Variants in CNTNAP2 observed in about 807,000 individuals in gnomAD.
The protein encoded by CNTNAP2 is contactin-associated protein-like 2.
Under a neutral mutation model 155.2 loss-of-function variants are expected in CNTNAP2, and 98 were observed. That is an observed-to-expected ratio of 0.63 (90% confidence interval 0.54 to 0.75). The LOEUF (loss-of-function observed/expected upper bound fraction) is 0.75. Among genes scored for constraint, CNTNAP2 ranks in the 30% least tolerant of loss-of-function variants. The probability of loss-of-function intolerance (pLI) is 0.00; values close to 1 mark genes in which losing one functional copy is unlikely to be tolerated. For missense variants in CNTNAP2, 1,727 were observed against 1,688.1 expected (o/e 1.02, Z -0.40); for synonymous variants, 651 against 631.2 (o/e 1.03, Z -0.47).
chr7:147,083,276 C>T (rs1021056556), intron 4 of CNTNAP2: 1 of 151,920 alleles, frequency 6.6e-6, no homozygotes, highest in African/African-American at 2.4e-5. Context: ...GATGTTAGGT[C>T]GGCAAACACT....
chr7:147,087,401 C>G (rs895254397), intron 4 of CNTNAP2, among the ~76,000 whole-genome samples: 12 of 152,078 alleles, frequency 7.9e-5, no homozygotes, highest in Non-Finnish European at 1.5e-4. Flanking sequence ...TCATCCCTAG[C>G]AAAGATGTGT....
intron 15 of CNTNAP2, among the ~76,000 whole-genome samples, chr7:148,112,226 A>G (rs915675262): frequency 4.6e-5 from 7 of 152,234 alleles, no homozygotes; most frequent in African/African-American, 1.7e-4. Flanking sequence ...AATGAAAAAA[A>G]TAATTATGGA....
At chr7:147,856,475 G>A (rs572386445) in intron 13 of CNTNAP2, among the ~76,000 whole-genome samples, 240 of 152,198 alleles carry the variant, frequency 1.6e-3, no homozygotes, top group African/African-American at 5.4e-3. Flanking sequence ...ACTTGCACAC[G>A]AATCCTCCTC....
intron 15 of CNTNAP2, among the ~76,000 whole-genome samples, chr7:148,008,984 A>G (rs776659454): frequency 2.4e-4 from 37 of 152,208 alleles, no homozygotes; most frequent in Middle Eastern, 3.2e-3. Flanking sequence ...CAAACCCTTA[A>G]TAGATTTTGA....
intron 1 of CNTNAP2, among the ~76,000 whole-genome samples, chr7:146,203,945 A>G (rs1798905941): frequency 6.6e-6 from 1 of 152,068 alleles, no homozygotes; most frequent in Non-Finnish European, 1.5e-5. Flanking sequence ...TTTTGGGGGG[A>G]ATCCTTTAAT....
rs192514645 is a variant in CNTNAP2, at chr7:147,237,376, C to T, written c.1349-62765C>T. Among the ~76,000 whole-genome samples, 40 of 152,154 alleles carry T rather than the reference C, an allele frequency of 2.6e-4. 1 individual carries two copies. In the East Asian group the frequency reaches 7.8e-3, roughly 29 times the overall value. On this transcript the variant is annotated intron_variant, in intron 8 of 23. Transcript: ENST00000361727. ...GTGTGAGCCACTGTGCCTAGCCTAGCCTTCACCTCTTGAATTGTACTCTGG... is the reference window on the plus strand; with the variant it reads ...GTGTGAGCCACTGTGCCTAGCCTAGTCTTCACCTCTTGAATTGTACTCTGG...
intron 1 of CNTNAP2, among the ~76,000 whole-genome samples, chr7:146,151,608 T>C (rs1798038686): frequency 1.5e-5 from 2 of 133,624 alleles, no homozygotes; most frequent in South Asian, 4.9e-4. Flanking sequence ...TAAGTGTCCA[T>C]CACTGATGAA....
intron 8 of CNTNAP2, among the ~76,000 whole-genome samples, chr7:147,191,068 G>T (rs565580448): frequency 6.6e-6 from 1 of 152,054 alleles, no homozygotes; most frequent in Non-Finnish European, 1.5e-5. Flanking sequence ...AAGAAGAAAA[G>T]GGGGCTGTAA....
intron 1 of CNTNAP2, among the ~76,000 whole-genome samples, chr7:146,746,961 T>C (rs1801819417): frequency 6.6e-6 from 1 of 152,132 alleles, no homozygotes; most frequent in Non-Finnish European, 1.5e-5. Context: ...TAGAAAATAA[T>C]CCCCAGAATT....
intron 8 of CNTNAP2, among the ~76,000 whole-genome samples, chr7:147,281,141 A>T (rs1279585592): frequency 6.6e-6 from 1 of 151,868 alleles, no homozygotes; most frequent in Non-Finnish European, 1.5e-5. Context: ...CATATAACTT[A>T]AAAGAAAGTT....
chr7:147,437,100 A>G (rs964176584), intron 10 of CNTNAP2, among the ~76,000 whole-genome samples: 5 of 152,106 alleles, frequency 3.3e-5, no homozygotes, highest in African/African-American at 9.7e-5. Context: ...CTTGGTTTTC[A>G]CATAGTTTTA....
At chr7:147,980,596 G>A (rs1429359464) in intron 15 of CNTNAP2, among the ~76,000 whole-genome samples, 1 of 152,012 alleles carries the variant, frequency 6.6e-6, no homozygotes, top group East Asian at 1.9e-4. Flanking sequence ...TTGCCTGGTA[G>A]CAGTCAGCAG....
At chr7:147,528,022 G>A (rs1293980396) in intron 11 of CNTNAP2, among the ~76,000 whole-genome samples, 1 of 152,152 alleles carries the variant, frequency 6.6e-6, no homozygotes, top group Non-Finnish European at 1.5e-5. Flanking sequence ...GGGGATGCTG[G>A]GACGTTATTC....
intron 15 of CNTNAP2, among the ~76,000 whole-genome samples, chr7:147,999,575 C>A (rs1399444601): frequency 6.6e-6 from 1 of 151,864 alleles, no homozygotes. Context: ...AATAACATTC[C>A]CCAAAAGAGA....
chr7:147,226,626 G>C (rs1803551732), intron 8 of CNTNAP2, among the ~76,000 whole-genome samples: 1 of 152,112 alleles, frequency 6.6e-6, no homozygotes, highest in South Asian at 2.1e-4. Context: ...TTTAGGTCAA[G>C]GACAGCTTTA....
At chr7:147,031,813 G>A (rs1350863945) in intron 3 of CNTNAP2, among the ~76,000 whole-genome samples, 1 of 152,220 alleles carries the variant, frequency 6.6e-6, no homozygotes, top group African/African-American at 2.4e-5. Flanking sequence ...AGCTACTCAG[G>A]AGGCTGAGGT....
chr7:146,521,942 T>G (rs1251137033), intron 1 of CNTNAP2, among the ~76,000 whole-genome samples: 1 of 152,046 alleles, frequency 6.6e-6, no homozygotes, highest in Non-Finnish European at 1.5e-5. Context: ...TCTCAGTAAT[T>G]GTAAAACACA....
chr7:146,444,573 A>G (rs1197419525), intron 1 of CNTNAP2, among the ~76,000 whole-genome samples: 1 of 152,082 alleles, frequency 6.6e-6, no homozygotes, highest in East Asian at 1.9e-4. Flanking sequence ...CAGAAGTATC[A>G]TGAACTGTTG....
intron 1 of CNTNAP2, among the ~76,000 whole-genome samples, chr7:146,393,400 T>A (rs1795573125): frequency 6.6e-6 from 1 of 152,226 alleles, no homozygotes; most frequent in East Asian, 1.9e-4. Context: ...TCGGGAAATT[T>A]TTCTTTGGCA....
Sources: allele counts gnomAD v4.1 joint callset (sites outside exome capture counted in the v4.1 genomes callset), GRCh38; gene constraint gnomAD v4.1.1; transcripts MANE v1.5; gene names NCBI Gene and HGNC (gene_info 2026-07-23, HGNC 2026-07-21).